Variants in AGRN observed in about 807,000 individuals in gnomAD.
The protein encoded by AGRN is agrin, also known as agrin proteoglycan.
A neutral mutation model predicts 211.0 loss-of-function variants in AGRN; 106 were observed. The ratio of observed to expected loss-of-function variants is 0.50; its 90% CI spans 0.43 to 0.59. AGRN has a LOEUF of 0.59. AGRN is among the 20% of genes least tolerant of loss of function. The probability of loss-of-function intolerance (pLI) is 0.00; values close to 1 mark genes in which losing one functional copy is unlikely to be tolerated. For missense variants in AGRN, 3,040 were observed against 2,982.6 expected (o/e 1.02, Z -0.45); for synonymous variants, 1,525 against 1,332.5 (o/e 1.14, Z -3.15).
At chr1:1,039,077 C>T (rs1363076962) in intron 3 of AGRN, among the ~76,000 whole-genome samples, 4 of 152,232 alleles carry the variant, frequency 2.6e-5, no homozygotes, top group Admixed American at 2.6e-4. Context: ...GGTCCTATTG[C>T]TCCTATTCAC....
At position 1,047,024 on chromosome 1, in the gene AGRN, G is replaced by A. The variant is rs570083281; in HGVS notation, c.3388+67G>A. On this transcript the variant is annotated intron_variant, in intron 19 of 35. Coordinates refer to ENST00000379370, the MANE Select transcript of AGRN (RefSeq NM_198576.4). ...GGCTCGGCCGAGGTGCTGCCCCCTC[G>A]CCTGGGCAGCAGGTCAGTGCCGGGG... 3.2e-4 allele frequency: 492 copies of A among 1,546,122 alleles called. 2 individuals are homozygous for A. In the Middle Eastern group the frequency reaches 8.6e-3, roughly 27 times the overall value.
At position 1,053,891 on chromosome 1, in the gene AGRN, G is replaced by A. The variant is rs1213171173; in HGVS notation, c.5790G>A (p.Leu1930=). 6.2e-7 allele frequency: 1 copy of A among 1,609,148 alleles called. No individual in the cohort carries two copies. Among genetic ancestry groups the A allele is most frequent in the South Asian group, 1.1e-5 (1 of 90,118 alleles). ...CCATTGTGGACGGGCACCTGCAACTGAGCTACAACCTGGGCTCCCAGCCCG... is the reference window on the plus strand; with the variant it reads ...CCATTGTGGACGGGCACCTGCAACTAAGCTACAACCTGGGCTCCCAGCCCG... ...ALAIVDGHLQ[L]SYNLGSQPVV... is the part of the protein sequence containing the mutation. Residue 1930 remains leucine (L), a synonymous_variant, in exon 34 of 36, where the codon CTG becomes CTA. Coordinates refer to ENST00000379370, the MANE Select transcript of AGRN (RefSeq NM_198576.4).
intron 33 of AGRN, chr1:1,052,354 T>A (rs1279847884): frequency 2.9e-6 from 1 of 342,778 alleles, no homozygotes; most frequent in African/African-American, 2.1e-5. Context: ...GATGTGCAAG[T>A]GTGTGTGAAT....
rs758529215 is a variant in AGRN, at chr1:1,049,286, A to G, written c.4349A>G (p.Glu1450Gly). Residue 1450 changes from glutamate to glycine, a missense_variant, in exon 25 of 36, where the codon GAG (glutamate) becomes GGG (glycine). Transcript: ENST00000379370. The part of the protein sequence containing the change: ...PAVLTSAVPV[E>G]PGQWHRLELS... Reference sequence around the variant, plus strand: ...GTGCTGACCAGTGCCGTGCCGGTAGAGCCGGGCCAGTGGCACCGCCTGGAG... The same window carrying G: ...GTGCTGACCAGTGCCGTGCCGGTAGGGCCGGGCCAGTGGCACCGCCTGGAG... The G allele has an allele frequency of 6.3e-7, 1 of 1,594,260 alleles. No homozygotes were observed. Among genetic ancestry groups the G allele is most frequent in the Non-Finnish European group, 8.5e-7 (1 of 1,178,206 alleles).
rs1256360133 is a variant in AGRN, at chr1:1,054,910, G to A, written c.6067G>A (p.Gly2023Ser). ...GGGCTGCTTGCGGGACGTGGTGGTGGGCCGGCACCCGCTGCACCTGCTGGA... is the reference window on the plus strand; with the variant it reads ...GGGCTGCTTGCGGGACGTGGTGGTGAGCCGGCACCCGCTGCACCTGCTGGA... ...FVGCLRDVVV[G>S]RHPLHLLEDA... Residue 2023 changes from glycine to serine, a missense_variant, in exon 36 of 36, where the codon GGC becomes AGC. This residue lies in a region of AGRN where 1,537 missense variants were observed against 1,505.0 expected (regional missense o/e 1.02). Coordinates refer to ENST00000379370, the MANE Select transcript of AGRN (RefSeq NM_198576.4). The A allele has an allele frequency of 1.3e-6, 2 of 1,548,978 alleles. No homozygotes were observed. The highest frequency in any genetic ancestry group is 2.4e-5 in the South Asian group (2 of 84,046).
chr1:1,054,852 AGCACT>A lies in AGRN; in HGVS notation c.6012_6016del (p.Leu2005GlnfsTer62). 1 of 1,560,078 alleles carries A rather than the reference AGCACT, an allele frequency of 6.4e-7. No individual in the cohort carries two copies. Among genetic ancestry groups the A allele is most frequent in the Non-Finnish European group, 8.7e-7 (1 of 1,153,798 alleles). On this transcript the variant is annotated frameshift_variant, in exon 36 of 36. Coordinates refer to ENST00000379370, the MANE Select transcript of AGRN (RefSeq NM_198576.4). LOFTEE classifies it high-confidence loss of function. ...GCCTGCCGGAGCTGCCCGTGGGCCC[AGCACT>A]GCCCAAGGCCTACGGCACAGGCTTT...
Position 1,041,545 on chromosome 1 carries a change from T to C in AGRN, c.1020T>C (p.Pro340=), listed in dbSNP as rs779277410. 4.6e-5 allele frequency: 74 copies of C among 1,607,186 alleles called. No homozygotes were observed. In the East Asian group the frequency reaches 1.7e-3, roughly 36 times the overall value. ...GTGTGAACCCGCGCACGCGGCGCCC[T>C]GAGATGCTCCTACGGCCCGAGAGCT... ...SCRVNPRTRR[P]EMLLRPESCP... The change falls in exon 6 of 36, where the codon CCT becomes CCC. Residue 340 remains proline (P), a synonymous_variant. Transcript: ENST00000379370.
At chr1:1,035,094 C>G (rs1644769443) in intron 2 of AGRN, 183 bp from the exon 3 acceptor site, 1 of 711,022 alleles carries the variant, frequency 1.4e-6, no homozygotes, top group South Asian at 1.6e-5. Context: ...AAGCAGGGGC[C>G]TCTGTCTCAG....
In AGRN at chr1:1,043,519, G is replaced by C. The variant is rs778914116; in HGVS notation, c.1604-19G>C. ...AGAGAGAGGTTCCTGGTCGCCTGGT[G>C]ATGGAAGCTCCTCCCCAGACCGCTG... On this transcript the variant is annotated intron_variant, in intron 8 of 35. Coordinates refer to ENST00000379370, the MANE Select transcript of AGRN (RefSeq NM_198576.4). 1 of 1,602,698 alleles carries C rather than the reference G, an allele frequency of 6.2e-7. No individual in the cohort carries two copies. Among genetic ancestry groups the C allele is most frequent in the Non-Finnish European group, 8.5e-7 (1 of 1,179,782 alleles).
chr1:1,027,837 T>C (rs1471723584), intron 2 of AGRN, among the ~76,000 whole-genome samples: 2 of 152,118 alleles, frequency 1.3e-5, no homozygotes. Context: ...CCCCGCCGTT[T>C]GGCAGCCACC....
chr1:1,036,018 G>A (rs142089262), intron 3 of AGRN, among the ~76,000 whole-genome samples: 1 of 152,286 alleles, frequency 6.6e-6, no homozygotes, highest in Non-Finnish European at 1.5e-5. Context: ...GGGACCGGTG[G>A]CTCCCTCGCC....
Position 1,042,124 on chromosome 1 carries a change from A to G in AGRN, c.1346A>G (p.Gln449Arg). ...DCWRQQAECR[Q>R]QRAIPSKHQG... ...TGGCGGCAGCAGGCTGAGTGCCGGC[A>G]GCAGCGTGCCATCCCCAGCAAGCAC... Residue 449 changes from glutamine to arginine, a missense_variant, in exon 7 of 36, where the codon CAG (glutamine) becomes CGG (arginine). Transcript: ENST00000379370. The G allele has an allele frequency of 6.2e-7, 1 of 1,600,702 alleles. No homozygotes were observed. Among genetic ancestry groups the G allele is most frequent in the Non-Finnish European group, 8.5e-7 (1 of 1,178,240 alleles).
intron 2 of AGRN, among the ~76,000 whole-genome samples, chr1:1,028,009 C>T (rs945017594): frequency 2.6e-5 from 4 of 152,190 alleles, no homozygotes; most frequent in African/African-American, 7.2e-5. Flanking sequence ...CCCCTTCTCT[C>T]CCCAGGGGAG....
At chr1:1,023,011 G>T (rs1644443909) in intron 2 of AGRN, among the ~76,000 whole-genome samples, 1 of 152,244 alleles carries the variant, frequency 6.6e-6, no homozygotes, top group Non-Finnish European at 1.5e-5. Context: ...CCAGCCTGGT[G>T]GGGGCAGAAA....
In AGRN at chr1:1,049,921, A is replaced by C. The variant is rs1645227771; in HGVS notation, c.4763A>C (p.Glu1588Ala). 2 of 1,608,420 alleles carry C rather than the reference A, an allele frequency of 1.2e-6. No homozygotes were observed. The highest frequency in any genetic ancestry group is 2.2e-5 in the South Asian group (2 of 90,898). The change falls in exon 27 of 36, where the codon GAG (glutamate) becomes GCG (alanine). Residue 1588 changes from glutamate (E) to alanine (A), a missense_variant. By Grantham distance (107) the Glu-to-Ala change is moderately radical (BLOSUM62 -1). This residue lies in a region of AGRN where 1,537 missense variants were observed against 1,505.0 expected (regional missense o/e 1.02). Transcript: ENST00000379370. ...PGRVGPTCAD[E>A]KSPCQPNPCH... is the part of the protein sequence containing the mutation. The stretch of plus-strand genomic sequence containing the variant: ...CATCCAGGACCAACCTGTGCCGATG[A>C]GAAGAGCCCCTGCCAGCCCAACCCC...
rs1644993341 is a variant in AGRN at position 1,043,208 on chromosome 1, T to G, written c.1385-31T>G. On this transcript the variant is annotated intron_variant, in intron 7 of 35. Transcript: ENST00000379370. Reference sequence around the variant, plus strand: ...TTGCCTGCAGCGGAGGGGGGGCTTGTGGGACCACTGAGCCCCTGTGTCCTT... The same window carrying G: ...TTGCCTGCAGCGGAGGGGGGGCTTGGGGGACCACTGAGCCCCTGTGTCCTT... 3 of 1,547,728 alleles carry G rather than the reference T, an allele frequency of 1.9e-6. No homozygotes were observed. In the African/African-American group the frequency reaches 4.1e-5, roughly 21 times the overall value.
chr1:1,034,946 A>G, intron 2 of AGRN: 1 of 459,522 alleles, frequency 2.2e-6, no homozygotes, highest in Non-Finnish European at 4.0e-6. Flanking sequence ...AGCCGGCTAC[A>G]CTGAGAGCCG....
At chr1:1,033,211 G>T (rs892207063) in intron 2 of AGRN, among the ~76,000 whole-genome samples, 2 of 152,136 alleles carry the variant, frequency 1.3e-5, no homozygotes, top group Admixed American at 1.3e-4. Context: ...GCCGGCGACT[G>T]GAGGAGCCAC....
Position 1,028,320 on chromosome 1 carries a change from G to GCACCCCCCC in AGRN, c.463+5859_463+5860insACCCCCCCC, listed in dbSNP as rs779617012. Among the ~76,000 whole-genome samples, 141 of 105,102 alleles carry GCACCCCCCC rather than the reference G, an allele frequency of 1.3e-3. 15 individuals carry two copies. Among genetic ancestry groups the GCACCCCCCC allele is most frequent in the African/African-American group, 4.5e-3 (110 of 24,564 alleles). The allele number at this position is 105,102 out of a possible 152,430, so 69.0% of individuals were successfully genotyped here. A position where few individuals can be genotyped will look rare whatever the true frequency, so the allele number is the denominator to read the frequency against. On this transcript the variant is annotated intron_variant, in intron 2 of 35. Transcript: ENST00000379370. ...GCCGTTCTCTCTCCCGTGGGGAAAC[G>GCACCCCCCC]CCCCCCCCCCCCCCCCGCCCTGCAC... is the stretch of plus-strand genomic sequence containing the variant.
Sources: gnomAD v4.1 joint callset for allele counts (sites outside exome capture counted in the v4.1 genomes callset) on GRCh38, gnomAD v4.1.1 for gene constraint, gnomAD v4.1.1 regional missense constraint, MANE v1.5 for transcripts, NCBI Gene and HGNC (gene_info 2026-07-23, HGNC 2026-07-21) for gene names.